IGSF9B: variants seen among roughly 807,000 people sequenced by gnomAD.
IGSF9B encodes protein turtle homolog B.
IGSF9B carries 48 observed loss-of-function variants against 143.7 expected under a neutral mutation model. That is an observed-to-expected ratio of 0.33 (90% confidence interval 0.26 to 0.42). The LOEUF is 0.42. Among genes scored for constraint, IGSF9B ranks in the 20% least tolerant of loss-of-function variants. The pLI is 1.00. For missense variants in IGSF9B, 1,706 were observed against 1,980.0 expected (o/e 0.86, Z 2.63); for synonymous variants, 903 against 833.1 (o/e 1.08, Z -1.44).
intron 15 of IGSF9B, among the ~76,000 whole-genome samples, chr11:133,923,831 G>T (rs1308637462): frequency 6.6e-6 from 1 of 152,232 alleles, no homozygotes; most frequent in Non-Finnish European, 1.5e-5. Flanking sequence ...ATGGTCAGGG[G>T]TGGGCCCACA....
rs1188612436 is a variant in IGSF9B, at chr11:133,953,659, G to C, written c.64+3032C>G. ...TGGGGACACTGTAGTCAGGGATAAT[G>C]TAACGACAGAATCTGTGGCAGACAG... On this transcript the variant is annotated intron_variant, in intron 1 of 19. Transcript: ENST00000533871. The surrounding 1 kb of genome is among the most constrained non-coding windows in gnomAD (Gnocchi z 4.2). 6.6e-6 allele frequency among the ~76,000 whole-genome samples: 1 copy of C among 152,234 alleles called. No homozygotes were observed. Among genetic ancestry groups the C allele is most frequent in the Non-Finnish European group, 1.5e-5 (1 of 68,042 alleles).
At chr11:133,919,190 G>A (rs1939459813) in intron 18 of IGSF9B, 1 of 392,800 alleles carries the variant, frequency 2.5e-6, no homozygotes, top group Non-Finnish European at 5.1e-6. Context: ...CTCCAGGAGA[G>A]GCTGAGGAGG....
At position 133,905,888 on chromosome 11, in the gene IGSF9B, G is replaced by A. The variant is rs148451645; in HGVS notation, c.*3181C>T. On this transcript the variant is annotated 3_prime_UTR_variant, in exon 20 of 20. Coordinates refer to ENST00000533871, the MANE Select transcript of IGSF9B (RefSeq NM_001277285.4). This position sits in a 1 kb window ranked among gnomAD's most constrained non-coding sequence, Gnocchi z 4.0. ...ACAGGCTTCGCCTCTCTGCCTCGTC[G>A]TACATCTTCTCTCCCCACGCAAATG... Among the ~76,000 whole-genome samples the A allele has an allele frequency of 3.7e-4, 56 of 152,328 alleles. No individual in the cohort carries two copies. In the East Asian group the frequency reaches 6.4e-3, roughly 17 times the overall value.
chr11:133,926,978 A>G lies in IGSF9B; in HGVS notation c.1745T>C (p.Val582Ala). ...LEPETAYQFSVLAQNKLGTSA... is the reference protein window; with the variant it reads ...LEPETAYQFSALAQNKLGTSA... ...GGTTCCCAGCTTGTTCTGGGCCAGG[A>G]CGCTGAACTGGTACGCTGTCTCAGG... The change falls in exon 13 of 20, where the codon GTC (valine) becomes GCC (alanine). Residue 582 changes from valine to alanine, a missense_variant. Physicochemically the swap from Val to Ala is moderately conservative, Grantham distance 64 (BLOSUM62 0). Transcript: ENST00000533871. 1.3e-6 allele frequency: 2 copies of G among 1,594,390 alleles called. No homozygotes were observed.
In IGSF9B at chr11:133,953,185, T is replaced by C. The variant is rs1433621967; in HGVS notation, c.64+3506A>G. On this transcript the variant is annotated intron_variant, in intron 1 of 19. Coordinates refer to ENST00000533871, the MANE Select transcript of IGSF9B (RefSeq NM_001277285.4). This position sits in a 1 kb window ranked among gnomAD's most constrained non-coding sequence, Gnocchi z 4.2. Reference sequence around the variant, plus strand: ...AATCTTCCAGCGAGGCAGCCTCTGCTCCTCTGTAACCAGATTCCAGCCTTC... The same window carrying C: ...AATCTTCCAGCGAGGCAGCCTCTGCCCCTCTGTAACCAGATTCCAGCCTTC... Among the ~76,000 whole-genome samples, 3 of 152,084 alleles carry C rather than the reference T, an allele frequency of 2.0e-5. No individual in the cohort carries two copies. The highest frequency in any genetic ancestry group is 7.2e-5 in the African/African-American group (3 of 41,414).
chr11:133,940,542 G>T (rs1241063150), intron 3 of IGSF9B, among the ~76,000 whole-genome samples: 3 of 136,404 alleles, frequency 2.2e-5, no homozygotes, highest in Non-Finnish European at 4.6e-5. Flanking sequence ...CACACACCTC[G>T]CATGTCCTCG....
rs1340558937 is a variant in IGSF9B at position 133,953,513 on chromosome 11, G to A, written c.64+3178C>T. Reference sequence around the variant, plus strand: ...CCACGGGGTCTTGATAGCAACCTCTGAGTCCAAACCTCCACCCTCCCATCT... The same window carrying A: ...CCACGGGGTCTTGATAGCAACCTCTAAGTCCAAACCTCCACCCTCCCATCT... On this transcript the variant is annotated intron_variant, in intron 1 of 19. Transcript: ENST00000533871. This position sits in a 1 kb window ranked among gnomAD's most constrained non-coding sequence, Gnocchi z 4.2. 2.6e-5 allele frequency among the ~76,000 whole-genome samples: 4 copies of A among 152,178 alleles called. No homozygotes were observed. Among genetic ancestry groups the A allele is most frequent in the Non-Finnish European group, 5.9e-5 (4 of 68,030 alleles).
intron 18 of IGSF9B, chr11:133,912,347 C>T: frequency 2.0e-6 from 1 of 490,458 alleles, no homozygotes; most frequent in South Asian, 1.5e-5. Flanking sequence ...CAGAAGTAGG[C>T]TGAACGTCTG....
intron 7 of IGSF9B, among the ~76,000 whole-genome samples, chr11:133,933,677 G>GT (rs1333157417): frequency 6.6e-6 from 1 of 152,168 alleles, no homozygotes; most frequent in African/African-American, 2.4e-5. Flanking sequence ...GAGCCCAAGA[G>GT]TTTGAGTCTG....
rs371158777 is a variant in IGSF9B, at chr11:133,922,383, G to A, written c.2282-161C>T. On this transcript the variant is annotated intron_variant, in intron 16 of 19. Coordinates refer to ENST00000533871, the MANE Select transcript of IGSF9B (RefSeq NM_001277285.4). ...TGCCTTCATGCTAGCTTGGGCCCCAGCAGCCTCTCCCCACCACCCCTGCTT... is the reference window on the plus strand; with the variant it reads ...TGCCTTCATGCTAGCTTGGGCCCCAACAGCCTCTCCCCACCACCCCTGCTT... Among the ~76,000 whole-genome samples the A allele has an allele frequency of 3.3e-5, 5 of 152,254 alleles. 1 individual carries two copies. The highest frequency in any genetic ancestry group is 1.2e-4 in the African/African-American group (5 of 41,572).
At position 133,931,463 on chromosome 11, in the gene IGSF9B, G is replaced by A. The variant is rs760553519; in HGVS notation, c.1358C>T (p.Thr453Ile). 1 of 1,611,288 alleles carries A rather than the reference G, an allele frequency of 6.2e-7. No homozygotes were observed. The highest frequency in any genetic ancestry group is 1.1e-5 in the South Asian group (1 of 91,034). The change falls in exon 10 of 20, where the codon ACT (threonine) becomes ATT (isoleucine). Residue 453 changes from threonine (T) to isoleucine (I), a missense_variant. This residue lies in a region of IGSF9B where 238 missense variants were observed against 452.6 expected (regional missense o/e 0.53). Coordinates refer to ENST00000533871, the MANE Select transcript of IGSF9B (RefSeq NM_001277285.4). This position sits in a 1 kb window ranked among gnomAD's most constrained non-coding sequence, Gnocchi z 7.7. ...CCAGGGCCCAGGTACCTTTCTCCAAGTGATGACAGGAAAGGGGTCCCCTGC... is the reference window on the plus strand; with the variant it reads ...CCAGGGCCCAGGTACCTTTCTCCAAATGATGACAGGAAAGGGGTCCCCTGC... ...AAAGDPFPVI[T>I]WRKVGKPSRS... is the part of the protein sequence containing the mutation.
rs1939676285 is a variant in IGSF9B at position 133,928,940 on chromosome 11, C to T, written c.1631+731G>A. ...CTGGGAAGTGAGCATCACCTCTCCA[C>T]ACCAGTTTCTGTGGCCTCTGGGGAA... On this transcript the variant is annotated intron_variant, in intron 12 of 19. Transcript: ENST00000533871. The surrounding 1 kb of genome is among the most constrained non-coding windows in gnomAD (Gnocchi z 4.7). Among the ~76,000 whole-genome samples, 1 of 152,212 alleles carries T rather than the reference C, an allele frequency of 6.6e-6. No individual in the cohort carries two copies. The highest frequency in any genetic ancestry group is 2.1e-4 in the South Asian group (1 of 4,822).
chr11:133,950,958 C>T (rs896720729), intron 1 of IGSF9B, among the ~76,000 whole-genome samples: 1 of 152,186 alleles, frequency 6.6e-6, no homozygotes, highest in Non-Finnish European at 1.5e-5. Context: ...CCACCGCCAC[C>T]TCCATCTGCC....
At chr11:133,946,344 C>G (rs1940051952) in intron 1 of IGSF9B, 86 bp from the exon 2 acceptor site, 1 of 1,193,188 alleles carries the variant, frequency 8.4e-7, no homozygotes, top group African/African-American at 1.5e-5. Flanking sequence ...CACAGGGTCA[C>G]CCCGCCCCCC....
rs1939717261 is a variant in IGSF9B at position 133,931,023 on chromosome 11, C to T, written c.1480G>A (p.Val494Ile). Residue 494 changes from valine to isoleucine, a missense_variant, in exon 11 of 20, where the codon GTC (valine) becomes ATC (isoleucine). Around this residue, in one of 7 missense-constraint regions of IGSF9B, gnomAD observed 267 missense variants for 321.1 expected, o/e 0.83. Coordinates refer to ENST00000533871, the MANE Select transcript of IGSF9B (RefSeq NM_001277285.4). This position sits in a 1 kb window ranked among gnomAD's most constrained non-coding sequence, Gnocchi z 7.7. ...TGGGTGCTGGCAGTGATGCTCGTGA[C>T]CACGTTGGTGGCGACACATTCCCAC... ...GEWECVATNV[V>I]TSITASTHLT... 1 of 1,613,556 alleles carries T rather than the reference C, an allele frequency of 6.2e-7. No individual in the cohort carries two copies. The highest frequency in any genetic ancestry group is 1.3e-5 in the African/African-American group (1 of 75,046).
chr11:133,938,549 C>A (rs1276802786), intron 3 of IGSF9B, among the ~76,000 whole-genome samples: 2 of 152,216 alleles, frequency 1.3e-5, no homozygotes, highest in African/African-American at 4.8e-5. Context: ...CATGTCAGGT[C>A]ATCTTCCCCC....
chr11:133,932,338 AGACAGACAGACAGACACAGG>A (rs946738565), intron 7 of IGSF9B, 125 bp from the exon 8 acceptor site: 34 of 915,662 alleles, frequency 3.7e-5, no homozygotes, highest in South Asian at 9.8e-5. Flanking sequence ...GAGAGCAGAC[AGACAGACAGACAGACACAGG>A]GACAGACAGA....
Position 133,908,320 on chromosome 11 carries a change from C to T in IGSF9B, c.*749G>A, listed in dbSNP as rs1200773655. On this transcript the variant is annotated 3_prime_UTR_variant, in exon 20 of 20. Coordinates refer to ENST00000533871, the MANE Select transcript of IGSF9B (RefSeq NM_001277285.4). ...GCTTGAATTTAGTTCTGCAGTAACT[C>T]ATTACTGAACCCCCATAGAAGGCAG... Among the ~76,000 whole-genome samples, 4 of 152,256 alleles carry T rather than the reference C, an allele frequency of 2.6e-5. No homozygotes were observed. The East Asian group carries it at 7.8e-4, about 30-fold the overall frequency.
At chr11:133,949,362 C>T (rs1940118165) in intron 1 of IGSF9B, among the ~76,000 whole-genome samples, 1 of 152,130 alleles carries the variant, frequency 6.6e-6, no homozygotes, top group Non-Finnish European at 1.5e-5. Flanking sequence ...TATTCTCTCA[C>T]TCCATCACCC....
Sources: allele counts gnomAD v4.1 joint callset (sites outside exome capture counted in the v4.1 genomes callset), GRCh38; gene constraint gnomAD v4.1.1; regional missense constraint gnomAD v4.1.1; non-coding constraint Gnocchi (gnomAD v3.1); transcripts MANE v1.5; gene names NCBI Gene and HGNC (gene_info 2026-07-23, HGNC 2026-07-21).